The following C4orf51 variants were observed in gnomAD, a reference collection of about 807,000 sequenced individuals.
C4orf51 encodes the protein uncharacterized protein C4orf51.
A neutral mutation model predicts 25.2 loss-of-function variants in C4orf51; 25 were observed. The ratio of observed to expected loss-of-function variants is 0.99; its 90% CI spans 0.72 to 1.39. C4orf51 has a LOEUF of 1.39. Among genes scored for constraint, C4orf51 ranks in the 40% most tolerant of loss-of-function variants. The probability of loss-of-function intolerance (pLI) is 0.00; values close to 1 mark genes in which losing one functional copy is unlikely to be tolerated. For missense variants in C4orf51, 252 were observed against 239.6 expected (o/e 1.05, Z -0.34); for synonymous variants, 100 against 84.5 (o/e 1.18, Z -1.01).
rs1733387342 is a variant in C4orf51, at chr4:145,746,679, T to C, written n.168-7528T>C. Among the ~76,000 whole-genome samples, 4 of 152,198 alleles carry C rather than the reference T, an allele frequency of 2.6e-5. No homozygotes were observed. The South Asian group carries it at 8.3e-4, about 31-fold the overall frequency. On this transcript the variant is annotated intron_variant and non_coding_transcript_variant, in intron 1 of 1. Transcript: ENST00000508981. ...CTAGTTTTGTTTTTATTGTTCAGGA[T>C]AGCTTTGGCTATTCTGGGTCTTTTG...
At chr4:145,775,638 G>A (rs1215322728), downstream of C4orf51, 1 of 940,782 alleles carries the variant, frequency 1.1e-6, no homozygotes, top group African/African-American at 1.6e-5. Context: ...GCAACTGCAG[G>A]GCTCAATCTG....
intron 2 of C4orf51, among the ~76,000 whole-genome samples, chr4:145,725,527 C>A (rs549057157): frequency 1.3e-5 from 2 of 152,110 alleles, no homozygotes; most frequent in African/African-American, 4.8e-5. Flanking sequence ...AAATTGGAAA[C>A]CCTAATGTCT....
chr4:145,723,031 T>C (rs1166926008), intron 2 of C4orf51, among the ~76,000 whole-genome samples: 2 of 152,168 alleles, frequency 1.3e-5, no homozygotes, highest in African/African-American at 4.8e-5. Context: ...TTATTATCTA[T>C]TTCAATGTAA....
At chr4:145,741,486 A>T (rs1560861972) in intron 1 of C4orf51, among the ~76,000 whole-genome samples, 1 of 152,140 alleles carries the variant, frequency 6.6e-6, no homozygotes, top group African/African-American at 2.4e-5. Flanking sequence ...ATGAAGATGG[A>T]TGGCCTACAC....
rs1732555940 is a variant in C4orf51, at chr4:145,732,775, T to C, written c.*215T>C. 2 of 421,166 alleles carry C rather than the reference T, an allele frequency of 4.7e-6. No homozygotes were observed. Among genetic ancestry groups the C allele is most frequent in the East Asian group, 3.7e-5 (1 of 26,874 alleles). 26.1% of individuals were successfully genotyped at this position (421,166 alleles called of 1,614,324 possible). The stretch of plus-strand genomic sequence containing the variant: ...GAGACAAAAGTTTTTATAATCTTTA[T>C]TAAATTTTCCTTTTTAAATAAATAC... On this transcript the variant is annotated 3_prime_UTR_variant, in exon 6 of 6. Transcript: ENST00000438731.
downstream of C4orf51, among the ~76,000 whole-genome samples, chr4:145,773,715 C>T (rs546097373): frequency 7.9e-5 from 12 of 152,310 alleles, 1 homozygote; most frequent in South Asian, 2.1e-3. Flanking sequence ...AACAGGCGAG[C>T]ACTGGTGAAG....
chr4:145,727,471 T>G (rs1160023704), intron 3 of C4orf51, among the ~76,000 whole-genome samples: 1 of 152,134 alleles, frequency 6.6e-6, no homozygotes, highest in Non-Finnish European at 1.5e-5. Flanking sequence ...GTAACCTGCT[T>G]TTATCCCTCA....
chr4:145,681,264 TCA>T, intron 1 of C4orf51, among the ~76,000 whole-genome samples: 1 of 152,232 alleles, frequency 6.6e-6, no homozygotes, highest in Non-Finnish European at 1.5e-5. Flanking sequence ...TATTTGATAA[TCA>T]GTTGAATTAT....
At chr4:145,744,864 A>G (rs1016180818) in intron 1 of C4orf51, among the ~76,000 whole-genome samples, 81 of 150,340 alleles carry the variant, frequency 5.4e-4, no homozygotes, top group Admixed American at 2.2e-3. Context: ...AAAAAAAAAA[A>G]GAGAGATGGG....
chr4:145,737,623 C>G (rs150517548), downstream of C4orf51, among the ~76,000 whole-genome samples: 339 of 152,120 alleles, frequency 2.2e-3, 2 homozygotes, highest in African/African-American at 7.7e-3. Flanking sequence ...ATATTTTGCT[C>G]TCTCTCTCTG....
the C4orf51 span, chr4:145,779,533 T>G: frequency 6.2e-7 from 1 of 1,609,710 alleles, no homozygotes; most frequent in African/African-American, 1.3e-5. Context: ...GAACAAAGCA[T>G]CATGAGAAAT....
intron 1 of C4orf51, among the ~76,000 whole-genome samples, chr4:145,687,052 GC>G (rs1729205716): frequency 6.6e-6 from 1 of 151,974 alleles, no homozygotes; most frequent in Non-Finnish European, 1.5e-5. Flanking sequence ...AAATCTTGGG[GC>G]CCCCAAATCA....
intron 2 of C4orf51, among the ~76,000 whole-genome samples, chr4:145,712,801 T>C (rs1731204781): frequency 6.6e-6 from 1 of 152,224 alleles, no homozygotes; most frequent in Non-Finnish European, 1.5e-5. Flanking sequence ...CATCTAGAAC[T>C]TTCATAGCTA....
chr4:145,742,473 T>G (rs894067301), intron 1 of C4orf51, among the ~76,000 whole-genome samples: 3 of 152,126 alleles, frequency 2.0e-5, no homozygotes, highest in Non-Finnish European at 4.4e-5. Context: ...ATCATGAACT[T>G]TCTTCTGAGC....
At chr4:145,682,308 T>C (rs7678910) in intron 1 of C4orf51, among the ~76,000 whole-genome samples, 62,854 of 152,096 alleles carry the variant, frequency 0.41, 14,332 homozygotes, top group African/African-American at 0.61. Context: ...AAGCACAAAT[T>C]GAGCTCATTT....
chr4:145,706,287 C>T (rs565235060), intron 2 of C4orf51, among the ~76,000 whole-genome samples: 1 of 152,142 alleles, frequency 6.6e-6, no homozygotes, highest in African/African-American at 2.4e-5. Context: ...CATATAGACT[C>T]CTTTTAAAAT....
chr4:145,692,960 T>G (rs989778304), intron 1 of C4orf51, among the ~76,000 whole-genome samples: 2 of 23,504 alleles, frequency 8.5e-5, no homozygotes, highest in Non-Finnish European at 1.5e-4. Flanking sequence ...TTAGTTTTTT[T>G]TTTTTTTTTT....
In C4orf51 at chr4:145,765,379, C is replaced by T. The variant is rs532609719; in HGVS notation, n.167-5609C>T. The stretch of plus-strand genomic sequence containing the variant: ...CCTCCCCATCCTTCCACCCCATACT[C>T]GGATTCAAATTAAGCCAAAAGAAAT... On this transcript the variant is annotated intron_variant and non_coding_transcript_variant, in intron 1 of 1. Transcript: ENST00000510096. The surrounding 1 kb of genome is among the most constrained non-coding windows in gnomAD (Gnocchi z 4.7). 3.3e-5 allele frequency among the ~76,000 whole-genome samples: 5 copies of T among 152,280 alleles called. No individual in the cohort carries two copies. Among genetic ancestry groups the T allele is most frequent in the Admixed American group, 1.3e-4 (2 of 15,306 alleles).
the C4orf51 span, among the ~76,000 whole-genome samples, chr4:145,782,643 TCAC>T: frequency 6.6e-6 from 1 of 152,146 alleles, no homozygotes; most frequent in Non-Finnish European, 1.5e-5. Flanking sequence ...CTTCCTCACC[TCAC>T]AGATTCCAGA....
Sources: gnomAD v4.1 joint callset for allele counts (sites outside exome capture counted in the v4.1 genomes callset) on GRCh38, gnomAD v4.1.1 for gene constraint, Gnocchi (gnomAD v3.1) non-coding constraint, MANE v1.5 for transcripts, NCBI Gene and HGNC (gene_info 2026-07-23, HGNC 2026-07-21) for gene names.